RPAIN: variants seen among roughly 807,000 people sequenced by gnomAD.
RPAIN encodes RPA-interacting protein.
In RPAIN, 29 loss-of-function variants were observed where a neutral mutation model predicts 30.5. The ratio of observed to expected loss-of-function variants is 0.95; its 90% confidence interval spans 0.71 to 1.30. The LOEUF (loss-of-function observed/expected upper bound fraction) is 1.30, where lower values mean the gene tolerates loss of function less well. Ranked by LOEUF, RPAIN falls within the 50% of genes most tolerant of loss-of-function variation. The pLI is 0.00. For missense variants in RPAIN, 247 were observed against 264.7 expected (o/e 0.93, Z 0.46); for synonymous variants, 101 against 93.5 (o/e 1.08, Z -0.46).
At chr17:5,422,386 C>G (rs1000811065) in intron 2 of RPAIN, among the ~76,000 whole-genome samples, 3 of 152,164 alleles carry the variant, frequency 2.0e-5, no homozygotes, top group Admixed American at 1.3e-4. Context: ...CAATGTTTGC[C>G]TTATATCACC....
intron 3 of RPAIN, chr17:5,425,184 A>G (rs1025402487): frequency 1.0e-4 from 41 of 394,726 alleles, no homozygotes; most frequent in African/African-American, 7.4e-4. Flanking sequence ...TGAGCTCAAC[A>G]ATGACAGTCT....
chr17:5,427,783 G>A (rs142103345), intron 5 of RPAIN: 199 of 442,144 alleles, frequency 4.5e-4, no homozygotes, highest in African/African-American at 3.7e-3. Context: ...GGCAGAGGCA[G>A]AGGGAGGCTG....
intron 5 of RPAIN, 87 bp downstream of exon 5, chr17:5,426,386 A>G: frequency 1.8e-6 from 2 of 1,124,826 alleles, no homozygotes; most frequent in Admixed American, 1.7e-5. Context: ...CTTGGAGCCC[A>G]TTGTGCATAT....
chr17:5,424,921 A>G (rs1167973341), intron 3 of RPAIN, among the ~76,000 whole-genome samples: 1 of 152,232 alleles, frequency 6.6e-6, no homozygotes, highest in Non-Finnish European at 1.5e-5. Flanking sequence ...TTTGGGGCAT[A>G]CTTAACTAAT....
chr17:5,426,146 A>C, intron 4 of RPAIN, 64 bp downstream of exon 4: 1 of 1,552,454 alleles, frequency 6.4e-7, no homozygotes, highest in East Asian at 2.2e-5. Flanking sequence ...GGTGAGTGGA[A>C]TCTCCCCCCA....
chr17:5,425,781 G>T (rs1915326333), intron 3 of RPAIN, among the ~76,000 whole-genome samples, 190 bp from the exon 4 acceptor site: 1 of 152,216 alleles, frequency 6.6e-6, no homozygotes, highest in Admixed American at 6.5e-5. Flanking sequence ...CACAAAAAGG[G>T]GACAGAGAGG....
intron 6 of RPAIN, chr17:5,431,422 G>A: frequency 2.2e-6 from 1 of 450,382 alleles, no homozygotes; most frequent in Non-Finnish European, 4.4e-6. Context: ...AGGAGGCAGA[G>A]GTTGCAGTGA....
Position 5,432,556 on chromosome 17 carries a change from G to C in RPAIN, c.645G>C (p.Trp215Cys). Reference sequence around the variant, plus strand: ...TTTAAACCTAGGCCTGTGATACTTGGGCTGTGATCCTCTAGAGCCAGCTTG... The same window carrying C: ...TTTAAACCTAGGCCTGTGATACTTGCGCTGTGATCCTCTAGAGCCAGCTTG... Reference protein sequence around the residue: ...LLMSCLACDTWAVIL With the variant: ...LLMSCLACDTCAVIL Residue 215 changes from tryptophan to cysteine, a missense_variant, in exon 7 of 7, where the codon TGG becomes TGC. Trp to Cys is a radical substitution (Grantham distance 215). Transcript: ENST00000381209. 1 of 1,613,760 alleles carries C rather than the reference G, an allele frequency of 6.2e-7. No individual in the cohort carries two copies. The highest frequency in any genetic ancestry group is 8.5e-7 in the Non-Finnish European group (1 of 1,179,782).
At chr17:5,422,939 C>G in intron 3 of RPAIN, 110 bp downstream of exon 3, 1 of 841,124 alleles carries the variant, frequency 1.2e-6, no homozygotes, top group South Asian at 1.7e-5. Context: ...CTCCATCAGT[C>G]AAGTGTCCAA....
At chr17:5,430,291 C>T (rs559696613) in intron 6 of RPAIN, 1 of 152,074 alleles carries the variant, frequency 6.6e-6, no homozygotes, top group Admixed American at 6.6e-5. Context: ...ATGATGAAAC[C>T]CTGTCTCTAC....
intron 4 of RPAIN, 34 bp from the exon 5 acceptor site, chr17:5,426,202 C>A: frequency 6.2e-7 from 1 of 1,607,130 alleles, no homozygotes; most frequent in Non-Finnish European, 8.5e-7. Context: ...GGTCTGGTGG[C>A]CATGATGCTC....
At chr17:5,431,335 A>T in intron 6 of RPAIN, 2 of 396,842 alleles carry the variant, frequency 5.0e-6, no homozygotes, top group Non-Finnish European at 9.8e-6. Flanking sequence ...AAAAATACAG[A>T]AATTAGCTGG....
At chr17:5,425,175 G>A (rs1334101372) in intron 3 of RPAIN, 2 of 385,312 alleles carry the variant, frequency 5.2e-6, no homozygotes, top group Non-Finnish European at 1.0e-5. Flanking sequence ...TCTAGACTGT[G>A]AGCTCAACAA....
intron 6 of RPAIN, chr17:5,432,303 T>C: frequency 2.1e-6 from 1 of 471,758 alleles, no homozygotes; most frequent in Non-Finnish European, 3.8e-6. Context: ...GATTTGATCT[T>C]AGCTTGAAGA....
chr17:5,428,518 A>G (rs1915620462), intron 6 of RPAIN: 3 of 1,367,264 alleles, frequency 2.2e-6, no homozygotes, highest in Non-Finnish European at 9.5e-7. Flanking sequence ...TTTCATAGTC[A>G]TAAGACCCAG....
At chr17:5,430,124 T>TAC (rs1480497375) in intron 6 of RPAIN, 2 of 150,232 alleles carry the variant, frequency 1.3e-5, no homozygotes, top group Non-Finnish European at 2.9e-5. Flanking sequence ...GCTGAGATCG[T>TAC]GCTGCTGGAT....
Position 5,420,294 on chromosome 17 carries a change from G to T in RPAIN, c.81+3G>T. 1.2e-6 allele frequency: 2 copies of T among 1,613,252 alleles called. No homozygotes were observed. Among genetic ancestry groups the T allele is most frequent in the Middle Eastern group, 1.7e-4 (1 of 6,040 alleles). On this transcript the variant is annotated splice_donor_region_variant and intron_variant, in intron 1 of 6. Coordinates refer to ENST00000381209, the MANE Select transcript of RPAIN (RefSeq NM_001033002.4). ...CTTGGAAAGAGGCTTTCCGGCAGGT[G>T]GGTATGGGGTTTGTGCAGTGGTCTA...
intron 5 of RPAIN, chr17:5,426,563 T>G: frequency 2.3e-6 from 1 of 427,700 alleles, no homozygotes; most frequent in Non-Finnish European, 4.2e-6. Flanking sequence ...TTGGGATTGG[T>G]AACGCCTGTA....
chr17:5,421,051 G>A (rs1914745942), intron 1 of RPAIN, among the ~76,000 whole-genome samples: 2 of 152,198 alleles, frequency 1.3e-5, no homozygotes, highest in South Asian at 2.1e-4. Context: ...GAGATATTAT[G>A]CACACAACCA....
Sources: allele counts gnomAD v4.1 joint callset (sites outside exome capture counted in the v4.1 genomes callset), GRCh38; gene constraint gnomAD v4.1.1; transcripts MANE v1.5; gene names NCBI Gene and HGNC (gene_info 2026-07-23, HGNC 2026-07-21).